The following TLE4 variants were observed in gnomAD, a reference collection of about 807,000 sequenced individuals.
TLE4 encodes the protein transducin-like enhancer protein 4.
Under a neutral mutation model 92.8 loss-of-function variants are expected in TLE4, and 8 were observed. That is an observed-to-expected ratio of 0.09 (90% CI 0.05 to 0.16). TLE4 has a LOEUF of 0.16. TLE4 is among the 10% of genes least tolerant of loss of function. The probability of loss-of-function intolerance (pLI) is 1.00; values close to 1 mark genes in which losing one functional copy is unlikely to be tolerated. For synonymous variants in TLE4, 371 were observed against 374.1 expected (o/e 0.99, Z 0.10); for missense variants, 675 against 997.6 (o/e 0.68, Z 4.36).
At chr9:79,723,856 A>G (rs1369665184) in intron 19 of TLE4, among the ~76,000 whole-genome samples, 1 of 152,240 alleles carries the variant, frequency 6.6e-6, no homozygotes, top group Non-Finnish European at 1.5e-5. Flanking sequence ...TTTTCATAAC[A>G]TGGATTATCA....
At position 79,572,747 on chromosome 9, in the gene TLE4, G is replaced by A. The variant is rs1201930734; in HGVS notation, c.-44G>A. On this transcript the variant is annotated 5_prime_UTR_variant, in exon 1 of 20. An upstream start codon of the reference 5' UTR is lost. Transcript: ENST00000376552. ...CCTCTTCGGGGTCATTAAAGCCAAT[G>A]AGCCGCGCGCCTCTGCCGAGCGCAG... 6.3e-7 allele frequency: 1 copy of A among 1,588,366 alleles called. No individual in the cohort carries two copies. Among genetic ancestry groups the A allele is most frequent in the South Asian group, 1.1e-5 (1 of 88,542 alleles).
At chr9:79,678,672 G>A (rs1240777847) in intron 8 of TLE4, among the ~76,000 whole-genome samples, 2 of 151,344 alleles carry the variant, frequency 1.3e-5, no homozygotes, top group African/African-American at 4.9e-5. Flanking sequence ...TGCACAATGT[G>A]CAGGTTTGTT....
At chr9:79,701,017 A>G (rs1321196153) in intron 8 of TLE4, among the ~76,000 whole-genome samples, 1 of 152,070 alleles carries the variant, frequency 6.6e-6, no homozygotes, top group African/African-American at 2.4e-5. Context: ...AGAAATAAAA[A>G]ATAATAAAAT....
chr9:79,578,222 A>G (rs2038533973), intron 4 of TLE4, among the ~76,000 whole-genome samples: 1 of 152,212 alleles, frequency 6.6e-6, no homozygotes, highest in Non-Finnish European at 1.5e-5. Flanking sequence ...GCAATAATGC[A>G]GGGAAGTTGC....
intron 6 of TLE4, among the ~76,000 whole-genome samples, chr9:79,642,319 A>G (rs900576527): frequency 6.6e-6 from 1 of 151,980 alleles, no homozygotes; most frequent in Non-Finnish European, 1.5e-5. Flanking sequence ...TCATAGGTAT[A>G]ATCATAGGGC....
intron 4 of TLE4, among the ~76,000 whole-genome samples, chr9:79,600,025 G>A (rs1334287005): frequency 1.3e-5 from 2 of 152,270 alleles, no homozygotes; most frequent in South Asian, 4.2e-4. Flanking sequence ...ATCTACAATA[G>A]TCCTGACAAA....
chr9:79,655,760 T>C (rs910831133), intron 8 of TLE4, among the ~76,000 whole-genome samples: 2 of 152,214 alleles, frequency 1.3e-5, no homozygotes, highest in African/African-American at 2.4e-5. Flanking sequence ...TGAAAGCCTG[T>C]CCAGTTATTC....
chr9:79,656,715 GAT>G (rs2059833864), intron 8 of TLE4, among the ~76,000 whole-genome samples: 1 of 152,174 alleles, frequency 6.6e-6, no homozygotes, highest in Non-Finnish European at 1.5e-5. Flanking sequence ...AGATGGGTTT[GAT>G]TGTGAGAGAT....
In TLE4 at chr9:79,652,810, G is replaced by A. The variant is rs764250012; in HGVS notation, c.592+16G>A. The stretch of plus-strand genomic sequence containing the variant: ...CACCAAAGAGGTGAGTAACTCTCTT[G>A]GAATGCCAATCTGAGATGACCTACT... On this transcript the variant is annotated intron_variant, in intron 7 of 19. Transcript: ENST00000376552. The A allele has an allele frequency of 1.9e-5, 30 of 1,613,050 alleles. No homozygotes were observed. Among genetic ancestry groups the A allele is most frequent in the Non-Finnish European group, 2.5e-5 (29 of 1,179,288 alleles).
chr9:79,671,113 T>C (rs1166252094), intron 8 of TLE4: 4 of 320,794 alleles, frequency 1.2e-5, no homozygotes, highest in Non-Finnish European at 2.7e-5. Context: ...AGAATTAACT[T>C]TAGCTGATCC....
chr9:79,573,748 T>C lies in TLE4; in HGVS notation c.105T>C (p.Ile35=). 6.2e-7 allele frequency: 1 copy of C among 1,604,464 alleles called. No individual in the cohort carries two copies. ...CAATTTCCGAATCCTGTGATCGGAT[T>C]AAGGAAGAGTTTCAGTTTTTACAGG... The part of the protein sequence containing the change: ...KFTISESCDR[I]KEEFQFLQAQ... Residue 35 remains isoleucine (I), a synonymous_variant, in exon 2 of 20, where the codon ATT becomes ATC. Coordinates refer to ENST00000376552, the MANE Select transcript of TLE4 (RefSeq NM_007005.6).
At chr9:79,697,131 G>A (rs7039267) in intron 8 of TLE4, among the ~76,000 whole-genome samples, 80,977 of 151,992 alleles carry the variant, frequency 0.53, 24,341 homozygotes, top group South Asian at 0.71. Context: ...TATAGAATTT[G>A]TATTAAGGAG....
At chr9:79,592,614 TG>T (rs2042989306) in intron 4 of TLE4, among the ~76,000 whole-genome samples, 1 of 152,170 alleles carries the variant, frequency 6.6e-6, no homozygotes, top group African/African-American at 2.4e-5. Context: ...GCTCGGTTAC[TG>T]CCATTACCTT....
At chr9:79,590,290 A>G (rs1009030523) in intron 4 of TLE4, among the ~76,000 whole-genome samples, 1 of 152,228 alleles carries the variant, frequency 6.6e-6, no homozygotes, top group Non-Finnish European at 1.5e-5. Context: ...GGGCTTCTTA[A>G]TGAAGAAATT....
At chr9:79,703,623 A>T (rs1467821705) in intron 8 of TLE4, among the ~76,000 whole-genome samples, 1 of 152,106 alleles carries the variant, frequency 6.6e-6, no homozygotes, top group East Asian at 1.9e-4. Flanking sequence ...TCTCCAGTTG[A>T]GAGCTCCTTG....
intron 8 of TLE4, among the ~76,000 whole-genome samples, chr9:79,680,005 T>C (rs2064154434): frequency 2.0e-5 from 3 of 151,834 alleles, no homozygotes; most frequent in Admixed American, 1.3e-4. Flanking sequence ...TACCATGCTG[T>C]TTTGGTTACT....
Position 79,704,732 on chromosome 9 carries a change from G to A in TLE4, c.610-51G>A, listed in dbSNP as rs200133813. Reference sequence around the variant, plus strand: ...TCTCAAGTGACTTAAAAATCACTCGGCTAAATAGATGATAATTTCTCAACC... The same window carrying A: ...TCTCAAGTGACTTAAAAATCACTCGACTAAATAGATGATAATTTCTCAACC... On this transcript the variant is annotated intron_variant, in intron 8 of 19. Transcript: ENST00000376552. 1,137 of 1,584,398 alleles carry A rather than the reference G, an allele frequency of 7.2e-4. 27 individuals are homozygous for A. The South Asian group carries it at 0.012, about 16-fold the overall frequency.
intron 4 of TLE4, among the ~76,000 whole-genome samples, chr9:79,592,148 CTT>C (rs749366942): frequency 6.7e-6 from 1 of 148,572 alleles, no homozygotes; most frequent in African/African-American, 2.5e-5. Flanking sequence ...CTTCTTTCTT[CTT>C]TCTTCTTCTT....
intron 4 of TLE4, among the ~76,000 whole-genome samples, chr9:79,592,068 C>T (rs1006142339): frequency 6.6e-6 from 1 of 152,038 alleles, no homozygotes; most frequent in South Asian, 2.1e-4. Context: ...AACTATTTGA[C>T]GTTTGTAGGA....
Sources: allele counts gnomAD v4.1 joint callset (sites outside exome capture counted in the v4.1 genomes callset), GRCh38; gene constraint gnomAD v4.1.1; transcripts MANE v1.5; gene names NCBI Gene and HGNC (gene_info 2026-07-23, HGNC 2026-07-21).